STARD13: variants seen among roughly 807,000 people sequenced by gnomAD.
The protein encoded by STARD13 is stAR-related lipid transfer protein 13.
In STARD13, 62 loss-of-function variants were observed where a neutral mutation model predicts 106.4. The observed-to-expected ratio is 0.58, with a 90% confidence interval of 0.48 to 0.72. The LOEUF is 0.72. Ranked by LOEUF, STARD13 falls within the 30% of genes least tolerant of loss-of-function variation. The pLI is 0.00. For synonymous variants in STARD13, 565 were observed against 553.0 expected, an observed-to-expected ratio of 1.02 and a Z score of -0.31; for missense variants, 1,387 against 1,424.0, an observed-to-expected ratio of 0.97 and a Z score of 0.42.
In STARD13 at chr13:33,126,132, A is replaced by T; in HGVS notation, c.2031T>A (p.Pro677=). The change falls in exon 7 of 14, where the codon CCT becomes CCA. Residue 677 remains proline (P), a synonymous_variant. Transcript: ENST00000336934. The part of the protein sequence containing the change: ...VHVQRTGQPL[P]QSIQQALRYL... ...ATCTCAGTGCTTGCTGAATACTTTG[A>T]GGCAGGGGCTGTCCCGTTCTTTGGA... 1 of 1,614,156 alleles carries T rather than the reference A, an allele frequency of 6.2e-7. No homozygotes were observed. Among genetic ancestry groups the T allele is most frequent in the Non-Finnish European group, 8.5e-7 (1 of 1,180,028 alleles).
chr13:33,289,849 AC>A (rs11438128), upstream of STARD13, among the ~76,000 whole-genome samples: 1 of 90,040 alleles, frequency 1.1e-5, no homozygotes, highest in Admixed American at 1.2e-4. Flanking sequence ...GACTCTCCCC[AC>A]CCCCCCAACC....
the STARD13 span, among the ~76,000 whole-genome samples, chr13:33,535,148 G>C: frequency 6.6e-6 from 1 of 152,224 alleles, no homozygotes; most frequent in African/African-American, 2.4e-5. Context: ...CCAGGAGACA[G>C]AGGCTGCAGT....
At chr13:33,376,787 G>A in the STARD13 span, among the ~76,000 whole-genome samples, 1 of 152,212 alleles carries the variant, frequency 6.6e-6, no homozygotes, top group Non-Finnish European at 1.5e-5. Context: ...GGGACAGAAT[G>A]AGGAGCCAGT....
chr13:33,589,689 T>C, the STARD13 span, among the ~76,000 whole-genome samples: 1 of 152,226 alleles, frequency 6.6e-6, no homozygotes, highest in Admixed American at 6.5e-5. Context: ...TCTGTTCTTT[T>C]ACATTTGCTG....
the STARD13 span, among the ~76,000 whole-genome samples, chr13:33,379,909 C>T: frequency 2.6e-5 from 4 of 152,178 alleles, no homozygotes; most frequent in East Asian, 1.9e-4. Flanking sequence ...ATGCCAAGAT[C>T]TATGCTAAGT....
chr13:33,375,588 A>G, the STARD13 span, among the ~76,000 whole-genome samples: 2 of 152,136 alleles, frequency 1.3e-5, no homozygotes, highest in African/African-American at 4.8e-5. Flanking sequence ...AAGTAAACAC[A>G]TCCTTCTTCA....
chr13:33,308,350 A>G (rs186810141), intron 1 of STARD13, among the ~76,000 whole-genome samples: 6 of 152,296 alleles, frequency 3.9e-5, no homozygotes, highest in African/African-American at 1.4e-4. Context: ...AAATAGACAC[A>G]AGTATAGGGT....
upstream of STARD13, among the ~76,000 whole-genome samples, chr13:33,287,050 A>G (rs139042586): frequency 1.3e-5 from 2 of 152,306 alleles, no homozygotes; most frequent in African/African-American, 4.8e-5. Context: ...GGGCTGAAAG[A>G]ATAAAGTTCT....
the STARD13 span, among the ~76,000 whole-genome samples, chr13:33,570,653 C>T: frequency 8.3e-6 from 1 of 120,880 alleles, no homozygotes. Context: ...AATCTTTCTT[C>T]TTTGTTAGTC....
At chr13:33,517,815 T>C in the STARD13 span, among the ~76,000 whole-genome samples, 1 of 152,114 alleles carries the variant, frequency 6.6e-6, no homozygotes, top group Non-Finnish European at 1.5e-5. Flanking sequence ...AATAAATCCA[T>C]ACAGAGACAT....
chr13:33,182,688 C>T (rs1235369470), intron 1 of STARD13, among the ~76,000 whole-genome samples: 1 of 152,248 alleles, frequency 6.6e-6, no homozygotes, highest in Non-Finnish European at 1.5e-5. Context: ...TGCATGCGGC[C>T]TGGGGCCGTG....
At chr13:33,320,644 A>G (rs546381152) in intron 1 of STARD13, among the ~76,000 whole-genome samples, 1 of 152,282 alleles carries the variant, frequency 6.6e-6, no homozygotes, top group Admixed American at 6.5e-5. Flanking sequence ...TCTCTAAATC[A>G]TATTTCTACC....
At chr13:33,309,127 T>C (rs1169098688) in intron 1 of STARD13, among the ~76,000 whole-genome samples, 1 of 152,216 alleles carries the variant, frequency 6.6e-6, no homozygotes, top group East Asian at 1.9e-4. Flanking sequence ...GTACAAGGCA[T>C]GACACTAAAT....
At chr13:33,481,034 G>A in the STARD13 span, among the ~76,000 whole-genome samples, 1 of 151,308 alleles carries the variant, frequency 6.6e-6, no homozygotes, top group Non-Finnish European at 1.5e-5. Flanking sequence ...TATCAAATAT[G>A]TTTAAATCCA....
chr13:33,110,978 C>T, intron 10 of STARD13, 71 bp from the exon 11 acceptor site: 1 of 1,378,778 alleles, frequency 7.3e-7, no homozygotes, highest in Non-Finnish European at 1.0e-6. Flanking sequence ...GAAAGCAAAG[C>T]CATTTCACCC....
At chr13:33,425,143 C>T in the STARD13 span, among the ~76,000 whole-genome samples, 2 of 152,166 alleles carry the variant, frequency 1.3e-5, no homozygotes, top group Non-Finnish European at 2.9e-5. Flanking sequence ...AAAGGGAAAA[C>T]CATTCAAATG....
At chr13:33,631,481 G>A in the STARD13 span, among the ~76,000 whole-genome samples, 1 of 152,168 alleles carries the variant, frequency 6.6e-6, no homozygotes, top group East Asian at 1.9e-4. Flanking sequence ...AAGAGATATG[G>A]TTTCATCTTC....
At chr13:33,225,806 T>C (rs1358338175) in intron 1 of STARD13, among the ~76,000 whole-genome samples, 1 of 152,220 alleles carries the variant, frequency 6.6e-6, no homozygotes, top group Non-Finnish European at 1.5e-5. Context: ...AATAGTAACA[T>C]TTAATTACAA....
rs190790658 is a variant in STARD13, at chr13:33,252,039, G to A, written c.169+33431C>T. 1.3e-3 allele frequency among the ~76,000 whole-genome samples: 199 copies of A among 152,216 alleles called. 4 individuals are homozygous for A. The East Asian group carries it at 0.014, about 11-fold the overall frequency. Reference sequence around the variant, plus strand: ...AAAATAGATATAAAAATAATCACACGTTAAATAAGATACTCCTATCATTAC... The same window carrying A: ...AAAATAGATATAAAAATAATCACACATTAAATAAGATACTCCTATCATTAC... On this transcript the variant is annotated intron_variant, in intron 1 of 13. Transcript: ENST00000336934.
Sources: allele counts gnomAD v4.1 joint callset (sites outside exome capture counted in the v4.1 genomes callset), GRCh38; gene constraint gnomAD v4.1.1; transcripts MANE v1.5; gene names NCBI Gene and HGNC (gene_info 2026-07-23, HGNC 2026-07-21).